PLCB1: variants seen among roughly 807,000 people sequenced by gnomAD.
PLCB1 encodes 1-phosphatidylinositol 4,5-bisphosphate phosphodiesterase beta-1.
In PLCB1, 46 loss-of-function variants were observed where a neutral mutation model predicts 161.8. The observed-to-expected ratio is 0.28, with a 90% CI of 0.22 to 0.36. The LOEUF is 0.36. Ranked by LOEUF, PLCB1 falls within the 10% of genes least tolerant of loss-of-function variation. The pLI is 1.00. For missense variants in PLCB1, 1,016 were observed against 1,472.5 expected, an observed-to-expected ratio of 0.69 and a Z score of 5.07; for synonymous variants, 517 against 503.7, an observed-to-expected ratio of 1.03 and a Z score of -0.35.
At chr20:8,365,170 C>CT (rs1473766271) in intron 2 of PLCB1, among the ~76,000 whole-genome samples, 1 of 152,138 alleles carries the variant, frequency 6.6e-6, no homozygotes, top group Non-Finnish European at 1.5e-5. Context: ...GCATCTGCAC[C>CT]TGTGTTTGAC....
intron 31 of PLCB1, among the ~76,000 whole-genome samples, chr20:8,822,862 C>T (rs909524809): frequency 7.9e-5 from 12 of 152,160 alleles, no homozygotes; most frequent in African/African-American, 2.4e-4. Context: ...TTCCCTGTTA[C>T]AGCTCAGTCA....
intron 26 of PLCB1, among the ~76,000 whole-genome samples, chr20:8,773,792 G>A (rs1982809183): frequency 6.6e-6 from 1 of 152,130 alleles, no homozygotes; most frequent in African/African-American, 2.4e-5. Flanking sequence ...TAGCCAACAT[G>A]GTGAAACCTC....
chr20:8,496,031 C>A (rs1345792752), intron 3 of PLCB1, among the ~76,000 whole-genome samples: 3 of 152,212 alleles, frequency 2.0e-5, no homozygotes, highest in Admixed American at 1.3e-4. Flanking sequence ...CATAACAGAG[C>A]ATAGACATTG....
chr20:8,600,410 T>C (rs1374534363), intron 3 of PLCB1, among the ~76,000 whole-genome samples: 1 of 139,486 alleles, frequency 7.2e-6, no homozygotes, highest in Admixed American at 7.0e-5. Flanking sequence ...GTTAGGCTGC[T>C]CGGGGGTCAG....
At chr20:8,804,613 C>T (rs1211102555) in intron 31 of PLCB1, among the ~76,000 whole-genome samples, 2 of 152,078 alleles carry the variant, frequency 1.3e-5, no homozygotes, top group African/African-American at 4.8e-5. Flanking sequence ...AATATTTCCC[C>T]AAATGTTTTT....
chr20:8,618,997 T>C (rs1039030961), intron 3 of PLCB1, among the ~76,000 whole-genome samples: 3 of 152,226 alleles, frequency 2.0e-5, no homozygotes, highest in Non-Finnish European at 4.4e-5. Flanking sequence ...AGAATATTTT[T>C]ATAACTTTCA....
intron 2 of PLCB1, among the ~76,000 whole-genome samples, chr20:8,229,465 G>C (rs1355388149): frequency 6.6e-6 from 1 of 152,012 alleles, no homozygotes; most frequent in East Asian, 1.9e-4. Flanking sequence ...ACTATAGCCA[G>C]TACTCACATG....
chr20:8,152,149 T>TGG (rs753360668), intron 2 of PLCB1, among the ~76,000 whole-genome samples: 3 of 152,308 alleles, frequency 2.0e-5, no homozygotes, highest in Non-Finnish European at 4.4e-5. Flanking sequence ...ATATTACTCT[T>TGG]ACAGTTCTAG....
At chr20:8,722,764 T>G (rs1979718973) in intron 15 of PLCB1, among the ~76,000 whole-genome samples, 1 of 152,120 alleles carries the variant, frequency 6.6e-6, no homozygotes, top group African/African-American at 2.4e-5. Flanking sequence ...GCAGATCAAC[T>G]GGAATTTTAG....
chr20:8,725,211 T>C (rs1175594965), intron 16 of PLCB1, among the ~76,000 whole-genome samples: 1 of 152,164 alleles, frequency 6.6e-6, no homozygotes, highest in Non-Finnish European at 1.5e-5. Context: ...CTATATTCCA[T>C]TTGTCCATCA....
chr20:8,661,403 G>A (rs548740619), intron 9 of PLCB1, among the ~76,000 whole-genome samples: 45 of 152,142 alleles, frequency 3.0e-4, no homozygotes, highest in African/African-American at 1.0e-3. Flanking sequence ...GGAGTCCAAC[G>A]GCTAGAATAT....
chr20:8,762,304 G>A (rs1982082532), intron 25 of PLCB1, among the ~76,000 whole-genome samples: 2 of 152,182 alleles, frequency 1.3e-5, no homozygotes, highest in East Asian at 1.9e-4. Flanking sequence ...TTAAAATAAC[G>A]TAAATGAATG....
chr20:8,672,748 A>C (rs987665906), intron 9 of PLCB1, among the ~76,000 whole-genome samples: 1 of 152,108 alleles, frequency 6.6e-6, no homozygotes, highest in Non-Finnish European at 1.5e-5. Flanking sequence ...TTACGTGCTG[A>C]GGACTTGCTA....
chr20:8,769,970 T>C (rs1043075763), intron 26 of PLCB1, among the ~76,000 whole-genome samples: 2 of 152,206 alleles, frequency 1.3e-5, no homozygotes, highest in Non-Finnish European at 2.9e-5. Context: ...TTTTTGTTTT[T>C]GAGATGGAGT....
intron 3 of PLCB1, among the ~76,000 whole-genome samples, chr20:8,587,416 T>C (rs1013305775): frequency 1.3e-5 from 2 of 152,136 alleles, no homozygotes; most frequent in Admixed American, 6.5e-5. Context: ...TGTAATATCA[T>C]AATGACCCAA....
At chr20:8,183,143 C>T (rs891741558) in intron 2 of PLCB1, among the ~76,000 whole-genome samples, 4 of 152,022 alleles carry the variant, frequency 2.6e-5, no homozygotes, top group East Asian at 3.9e-4. Context: ...GGCAGTGTTG[C>T]GGTAATAGAT....
chr20:8,276,735 C>T (rs777784799), intron 2 of PLCB1, among the ~76,000 whole-genome samples: 10 of 152,014 alleles, frequency 6.6e-5, no homozygotes, highest in African/African-American at 9.7e-5. Flanking sequence ...GCCTCGAGTG[C>T]ATCCTTTGTG....
intron 2 of PLCB1, among the ~76,000 whole-genome samples, chr20:8,280,322 C>T (rs1040424220): frequency 4.2e-5 from 6 of 142,966 alleles, no homozygotes; most frequent in Non-Finnish European, 6.0e-5. Flanking sequence ...GCAACAAGAG[C>T]GAAACTCTGT....
chr20:8,411,922 C>G (rs1419884799), intron 3 of PLCB1, among the ~76,000 whole-genome samples: 1 of 152,018 alleles, frequency 6.6e-6, no homozygotes, highest in Admixed American at 6.6e-5. Flanking sequence ...TCTTGAGAGA[C>G]TGAGGCAGGA....
Sources: allele counts gnomAD v4.1 joint callset (sites outside exome capture counted in the v4.1 genomes callset), GRCh38; gene constraint gnomAD v4.1.1; transcripts MANE v1.5; gene names NCBI Gene and HGNC (gene_info 2026-07-23, HGNC 2026-07-21).